The following PDS5B variants were observed in gnomAD, a reference collection of about 807,000 sequenced individuals.
The protein encoded by PDS5B is sister chromatid cohesion protein PDS5 homolog B.
Under a neutral mutation model 184.1 loss-of-function variants are expected in PDS5B, and 51 were observed. The observed-to-expected ratio is 0.28, with a 90% confidence interval of 0.22 to 0.35. The LOEUF is 0.35. Among genes scored for constraint, PDS5B ranks in the 10% least tolerant of loss-of-function variants. PDS5B has a pLI of 1.00. For synonymous variants in PDS5B, 566 were observed against 569.2 expected (o/e 0.99, Z 0.08); for missense variants, 1,180 against 1,723.3 (o/e 0.68, Z 5.58).
chr13:32,733,820 T>TA (rs1162243475), intron 20 of PDS5B, among the ~76,000 whole-genome samples: 6 of 152,068 alleles, frequency 3.9e-5, no homozygotes. Context: ...CCATTGTTAG[T>TA]AGTTTCTAAA....
At chr13:32,679,259 CAA>C (rs1951164659) in intron 10 of PDS5B, among the ~76,000 whole-genome samples, 4 of 152,054 alleles carry the variant, frequency 2.6e-5, no homozygotes, top group Non-Finnish European at 5.9e-5. Flanking sequence ...AAGACCTGTT[CAA>C]ATCCAAATGT....
chr13:32,716,667 G>T (rs1407701013), intron 19 of PDS5B, among the ~76,000 whole-genome samples: 14 of 137,234 alleles, frequency 1.0e-4, no homozygotes, highest in African/African-American at 3.5e-4. Flanking sequence ...AGGGAGGTGG[G>T]GGGGGTCAGC....
At chr13:32,667,070 A>T (rs996123518) in intron 6 of PDS5B, among the ~76,000 whole-genome samples, 2 of 152,198 alleles carry the variant, frequency 1.3e-5, no homozygotes, top group Non-Finnish European at 2.9e-5. Context: ...ATCTAAAAAT[A>T]TGCTGAGTAA....
At chr13:32,607,908 A>C (rs1337171029) in intron 1 of PDS5B, among the ~76,000 whole-genome samples, 1 of 152,168 alleles carries the variant, frequency 6.6e-6, no homozygotes, top group Non-Finnish European at 1.5e-5. Context: ...AGACCTTTGG[A>C]AAAGCACAGT....
At chr13:32,773,128 A>G in intron 33 of PDS5B, 61 bp from the exon 34 acceptor site, 3 of 1,408,816 alleles carry the variant, frequency 2.1e-6, no homozygotes, top group Non-Finnish European at 2.9e-6. Context: ...CATTTCTTCT[A>G]ACGAGGTAAT....
At chr13:32,591,360 GC>G (rs1566227796) in intron 1 of PDS5B, among the ~76,000 whole-genome samples, 1 of 151,836 alleles carries the variant, frequency 6.6e-6, no homozygotes, top group Non-Finnish European at 1.5e-5. Flanking sequence ...CTCGTGATCC[GC>G]CCGCCTCGGC....
chr13:32,649,551 A>T (rs1950316265), intron 2 of PDS5B: 1 of 152,130 alleles, frequency 6.6e-6, no homozygotes, highest in Non-Finnish European at 1.5e-5. Flanking sequence ...ATCTACCTAG[A>T]TATTTATGTT....
At chr13:32,711,899 A>G (rs570700473) in intron 19 of PDS5B, among the ~76,000 whole-genome samples, 20 of 152,312 alleles carry the variant, frequency 1.3e-4, no homozygotes, top group African/African-American at 4.3e-4. Flanking sequence ...CATTGTAACA[A>G]TTCAGTGAAG....
Position 32,760,697 on chromosome 13 carries a change from C to G in PDS5B, c.3495C>G (p.Ser1165Arg). The change falls in exon 30 of 35, where the codon AGC becomes AGG. Residue 1165 changes from serine to arginine, a missense_variant. This residue lies in a region of PDS5B where 465 missense variants were observed against 497.8 expected (regional missense o/e 0.93). Coordinates refer to ENST00000315596, the MANE Select transcript of PDS5B (RefSeq NM_015032.4). The part of the protein sequence containing the change: ...VSNASSSSNP[S>R]SPGRIKGRLD... Reference sequence around the variant, plus strand: ...ATGCAAGCAGCAGCTCAAATCCAAGCTCTCCTGGAAGAATAAAGGGGAGGT... The same window carrying G: ...ATGCAAGCAGCAGCTCAAATCCAAGGTCTCCTGGAAGAATAAAGGGGAGGT... 1 of 1,613,906 alleles carries G rather than the reference C, an allele frequency of 6.2e-7. No homozygotes were observed. Among genetic ancestry groups the G allele is most frequent in the Non-Finnish European group, 8.5e-7 (1 of 1,179,906 alleles).
At chr13:32,665,715 T>G (rs1466700751) in intron 6 of PDS5B, among the ~76,000 whole-genome samples, 1 of 151,768 alleles carries the variant, frequency 6.6e-6, no homozygotes. Context: ...TTGATTACAT[T>G]AAAAATAAAA....
chr13:32,651,759 T>G lies in PDS5B; in HGVS notation c.109-45T>G, dbSNP rs372981843. ...TGACCTTTATTTCACATGACTGTAG[T>G]TTTACATGGAGCATTTCATTATTTG... On this transcript the variant is annotated intron_variant, in intron 2 of 34. Coordinates refer to ENST00000315596, the MANE Select transcript of PDS5B (RefSeq NM_015032.4). 3.0e-5 allele frequency: 36 copies of G among 1,209,892 alleles called. No individual in the cohort carries two copies. The African/African-American group carries it at 4.8e-4, about 16-fold the overall frequency. The allele number at this position is 1,209,892 out of a possible 1,614,324, so 74.9% of individuals were successfully genotyped here.
intron 19 of PDS5B, among the ~76,000 whole-genome samples, chr13:32,721,741 C>T (rs1052621258): frequency 6.6e-6 from 1 of 151,772 alleles, no homozygotes; most frequent in Admixed American, 6.6e-5. Context: ...GGAAGAGGCG[C>T]TCCTCACTTC....
At chr13:32,633,877 T>C (rs949327837) in intron 1 of PDS5B, among the ~76,000 whole-genome samples, 1 of 152,200 alleles carries the variant, frequency 6.6e-6, no homozygotes, top group African/African-American at 2.4e-5. Context: ...GTACATTGGG[T>C]CCTTACATAT....
chr13:32,760,056 A>C (rs1356588301), intron 29 of PDS5B, among the ~76,000 whole-genome samples: 1 of 152,092 alleles, frequency 6.6e-6, no homozygotes, highest in Non-Finnish European at 1.5e-5. Flanking sequence ...CCTGGGTTCA[A>C]GTCATTCTCC....
At chr13:32,754,333 C>T (rs1055097121) in intron 25 of PDS5B, among the ~76,000 whole-genome samples, 5 of 152,044 alleles carry the variant, frequency 3.3e-5, no homozygotes, top group African/African-American at 1.2e-4. Context: ...ACCTTATAGC[C>T]CTTTATAGTT....
intron 23 of PDS5B, among the ~76,000 whole-genome samples, chr13:32,744,228 G>A (rs796793239): frequency 3.3e-4 from 51 of 152,250 alleles, no homozygotes; most frequent in African/African-American, 1.2e-3. Flanking sequence ...TAGAGTTTAT[G>A]TAAGGATTAT....
intron 21 of PDS5B, among the ~76,000 whole-genome samples, chr13:32,737,047 G>A (rs1436241749): frequency 6.6e-6 from 1 of 152,002 alleles, no homozygotes; most frequent in Non-Finnish European, 1.5e-5. Context: ...GTATCTGTTA[G>A]GCTTATCATC....
intron 19 of PDS5B, among the ~76,000 whole-genome samples, chr13:32,715,330 T>TA (rs1487219144): frequency 4.6e-5 from 7 of 152,218 alleles, no homozygotes; most frequent in African/African-American, 1.4e-4. Flanking sequence ...ACCCCTTTTT[T>TA]ATCATGAGGT....
chr13:32,737,719 C>A (rs1953389517), intron 21 of PDS5B, among the ~76,000 whole-genome samples: 1 of 152,088 alleles, frequency 6.6e-6, no homozygotes, highest in Admixed American at 6.6e-5. Flanking sequence ...ATTAATTTGT[C>A]TTGTTTTATT....
Sources: gnomAD v4.1 joint callset for allele counts (sites outside exome capture counted in the v4.1 genomes callset) on GRCh38, gnomAD v4.1.1 for gene constraint, gnomAD v4.1.1 regional missense constraint, MANE v1.5 for transcripts, NCBI Gene and HGNC (gene_info 2026-07-23, HGNC 2026-07-21) for gene names.